EMC10: variants seen among roughly 807,000 people sequenced by gnomAD.
The protein encoded by EMC10 is UPF0510 protein INM02.
Under a neutral mutation model 32.2 loss-of-function variants are expected in EMC10, and 40 were observed. The ratio of observed to expected loss-of-function variants is 1.24; its 90% CI spans 0.96 to 1.61. EMC10 has a LOEUF of 1.61. EMC10 is among the 40% of genes most tolerant of loss of function. The pLI is 0.00. For synonymous variants in EMC10, 178 were observed against 158.4 expected, an observed-to-expected ratio of 1.12 and a Z score of -0.93; for missense variants, 402 against 357.7, an observed-to-expected ratio of 1.12 and a Z score of -1.00.
chr19:50,481,076 G>A, intron 6 of EMC10, 99 bp downstream of exon 6: 1 of 895,540 alleles, frequency 1.1e-6, no homozygotes. Flanking sequence ...ATGGTGCTCG[G>A]GCCTGCTCCT....
chr19:50,482,422 G>T lies in EMC10; in HGVS notation c.*163G>T, dbSNP rs2040337388. The stretch of plus-strand genomic sequence containing the variant: ...GCCCCTTGTCCTCTGCCTTCTGCTG[G>T]CAGAGGAGCAGCTGGACTGGGGCCT... On this transcript the variant is annotated 3_prime_UTR_variant, in exon 7 of 7. Transcript: ENST00000334976. 1.7e-6 allele frequency: 1 copy of T among 594,232 alleles called. No individual in the cohort carries two copies. The highest frequency in any genetic ancestry group is 3.1e-5 in the Admixed American group (1 of 32,188). The allele number at this position is 594,232 out of a possible 1,614,324, so 36.8% of individuals were successfully genotyped here.
Position 50,487,027 on chromosome 19 carries a change from C to A in EMC10, c.*4768C>A, listed in dbSNP as rs925512489. 1 of 152,100 alleles carries A rather than the reference C, an allele frequency of 6.6e-6. No homozygotes were observed. Among genetic ancestry groups the A allele is most frequent in the African/African-American group, 2.4e-5 (1 of 41,420 alleles). The allele number at this position is 152,100 out of a possible 1,614,324, so 9.4% of individuals were successfully genotyped here. Reference sequence around the variant, plus strand: ...CAGGAGGTGGTAATAGAGGATTCCACGCACTCAGAATGCCTCAGGCCGGCG... The same window carrying A: ...CAGGAGGTGGTAATAGAGGATTCCAAGCACTCAGAATGCCTCAGGCCGGCG... On this transcript the variant is annotated 3_prime_UTR_variant, in exon 7 of 7. Transcript: ENST00000334976.
chr19:50,482,055 G>A (rs958973008), intron 6 of EMC10, 94 bp from the exon 7 acceptor site: 21 of 1,451,390 alleles, frequency 1.4e-5, no homozygotes, highest in South Asian at 6.8e-5. Flanking sequence ...CCCTCATGCC[G>A]GTCCCCACCG....
rs1048843629 is a variant in EMC10 at position 50,488,946 on chromosome 19, GAA to G, written c.*6690_*6691del. The stretch of plus-strand genomic sequence containing the variant: ...TGGGAGAGGGAAGAAGGGTGGGAGA[GAA>G]AACGGAACAGAGAGGGGGCACAGAC... On this transcript the variant is annotated 3_prime_UTR_variant, in exon 7 of 7. Coordinates refer to ENST00000334976, the MANE Select transcript of EMC10 (RefSeq NM_206538.4). 9 of 147,602 alleles carry G rather than the reference GAA, an allele frequency of 6.1e-5. No homozygotes were observed. Among genetic ancestry groups the G allele is most frequent in the African/African-American group, 2.3e-4 (9 of 39,780 alleles). The allele number at this position is 147,602 out of a possible 1,614,324, so 9.1% of individuals were successfully genotyped here.
At chr19:50,477,876 C>A in intron 1 of EMC10, 53 bp from the exon 2 acceptor site, 1 of 1,474,842 alleles carries the variant, frequency 6.8e-7, no homozygotes, top group Non-Finnish European at 9.2e-7. Flanking sequence ...TGGGTGACTA[C>A]TATGCTGAGG....
chr19:50,480,497 G>T lies in EMC10; in HGVS notation c.403-84G>T. On this transcript the variant is annotated intron_variant, in intron 4 of 6. Coordinates refer to ENST00000334976, the MANE Select transcript of EMC10 (RefSeq NM_206538.4). The surrounding 1 kb of genome is among the most constrained non-coding windows in gnomAD (Gnocchi z 4.4). ...GGAAGGTTTTGAAAAATGCTCCGGG[G>T]GTCCTGTGGTGGGGGCCGGGGGAGG... The T allele has an allele frequency of 6.9e-7, 1 of 1,459,730 alleles. No individual in the cohort carries two copies. The highest frequency in any genetic ancestry group is 9.2e-7 in the Non-Finnish European group (1 of 1,084,060). 90.4% of individuals were successfully genotyped at this position (1,459,730 alleles called of 1,614,324 possible). A position where few individuals can be genotyped will look rare whatever the true frequency, so the allele number is the denominator to read the frequency against.
Position 50,482,813 on chromosome 19 carries a change from G to A in EMC10, c.*554G>A. ...AGGCATGAAAGAGTCGGGGCTGGAT[G>A]GCCGGGGGCTTCTGGGCCCGACGCC... On this transcript the variant is annotated 3_prime_UTR_variant, in exon 7 of 7. Transcript: ENST00000334976. The A allele has an allele frequency of 3.8e-6, 2 of 526,994 alleles. No individual in the cohort carries two copies. The highest frequency in any genetic ancestry group is 6.7e-6 in the Non-Finnish European group (2 of 299,496). 32.6% of individuals were successfully genotyped at this position (526,994 alleles called of 1,614,324 possible).
Position 50,480,629 on chromosome 19 carries a change from G to T in EMC10, c.451G>T (p.Asp151Tyr). The T allele has an allele frequency of 1.9e-6, 3 of 1,579,986 alleles. No individual in the cohort carries two copies. Among genetic ancestry groups the T allele is most frequent in the Non-Finnish European group, 2.6e-6 (3 of 1,163,442 alleles). ...GTCGGACCAGCTGACCCTGCACGTG[G>T]ATGTGGCCGGCAACGTGGTGGGCGT... The part of the protein sequence containing the change: ...HLSDQLTLHV[D>Y]VAGNVVGVSV... Residue 151 changes from aspartate to tyrosine, a missense_variant, in exon 5 of 7, where the codon GAT (aspartate) becomes TAT (tyrosine). Asp to Tyr is a radical substitution (Grantham distance 160). Coordinates refer to ENST00000334976, the MANE Select transcript of EMC10 (RefSeq NM_206538.4). The surrounding 1 kb of genome is among the most constrained non-coding windows in gnomAD (Gnocchi z 4.4).
chr19:50,482,192 G>T lies in EMC10; in HGVS notation c.722G>T (p.Gly241Val). Reference protein sequence around the residue: ...IPVVLFLMMSGAPDTGGQGGG... With the variant: ...IPVVLFLMMSVAPDTGGQGGG... ...GTCGTCCTGTTCCTCATGATGTCAG[G>T]AGCGCCAGACACCGGGGGCCAGGGT... The change falls in exon 7 of 7, where the codon GGA (glycine) becomes GTA (valine). Residue 241 changes from glycine (G) to valine (V), a missense_variant. Coordinates refer to ENST00000334976, the MANE Select transcript of EMC10 (RefSeq NM_206538.4). 7.4e-7 allele frequency: 1 copy of T among 1,353,664 alleles called. No individual in the cohort carries two copies. The allele number at this position is 1,353,664 out of a possible 1,614,324, so 83.9% of individuals were successfully genotyped here. A position where few individuals can be genotyped will look rare whatever the true frequency, so the allele number is the denominator to read the frequency against.
chr19:50,480,300 G>C lies in EMC10; in HGVS notation c.402+85G>C. On this transcript the variant is annotated intron_variant, in intron 4 of 6. Coordinates refer to ENST00000334976, the MANE Select transcript of EMC10 (RefSeq NM_206538.4). The surrounding 1 kb of genome is among the most constrained non-coding windows in gnomAD (Gnocchi z 4.4). ...TCCTGCTTCCACCATTCGAACCCCT[G>C]TGTTTCTGGAGCCCGCAGAGGCCTG... 1 of 1,378,378 alleles carries C rather than the reference G, an allele frequency of 7.3e-7. No homozygotes were observed. The highest frequency in any genetic ancestry group is 1.0e-6 in the Non-Finnish European group (1 of 994,010). The allele number at this position is 1,378,378 out of a possible 1,614,324, so 85.4% of individuals were successfully genotyped here. A position where few individuals can be genotyped will look rare whatever the true frequency, so the allele number is the denominator to read the frequency against.
In EMC10 at chr19:50,480,363, G is replaced by C; in HGVS notation, c.402+148G>C. 1 of 966,598 alleles carries C rather than the reference G, an allele frequency of 1.0e-6. No individual in the cohort carries two copies. Among genetic ancestry groups the C allele is most frequent in the Non-Finnish European group, 1.5e-6 (1 of 646,838 alleles). 59.9% of individuals were successfully genotyped at this position (966,598 alleles called of 1,614,324 possible). A position where few individuals can be genotyped will look rare whatever the true frequency, so the allele number is the denominator to read the frequency against. The stretch of plus-strand genomic sequence containing the variant: ...CTGGCCTTGCCTTCCGAGGCCTCCT[G>C]GTCTGGAGGGGTCGGTCCAGGTAGC... On this transcript the variant is annotated intron_variant, in intron 4 of 6. Coordinates refer to ENST00000334976, the MANE Select transcript of EMC10 (RefSeq NM_206538.4). This position sits in a 1 kb window ranked among gnomAD's most constrained non-coding sequence, Gnocchi z 4.4.
At chr19:50,478,936 C>T in intron 2 of EMC10, 21 bp from the exon 3 acceptor site, 1 of 1,576,876 alleles carries the variant, frequency 6.3e-7, no homozygotes, top group Non-Finnish European at 8.6e-7. Context: ...GGGGGCGTCT[C>T]TGAACCTGAG....
Position 50,482,152 on chromosome 19 carries a change from A to G in EMC10, c.682A>G (p.Met228Val). 1 of 1,479,628 alleles carries G rather than the reference A, an allele frequency of 6.8e-7. No homozygotes were observed. Among genetic ancestry groups the G allele is most frequent in the South Asian group, 1.1e-5 (1 of 89,144 alleles). 91.7% of individuals were successfully genotyped at this position (1,479,628 alleles called of 1,614,324 possible). A position where few individuals can be genotyped will look rare whatever the true frequency, so the allele number is the denominator to read the frequency against. Residue 228 changes from methionine (M) to valine (V), a missense_variant, in exon 7 of 7, where the codon ATG (methionine) becomes GTG (valine). Transcript: ENST00000334976. The part of the protein sequence containing the change: ...EQKSFFAKYW[M>V]YIIPVVLFLM... The stretch of plus-strand genomic sequence containing the variant: ...CCATCCTTCCGTCCGGCTGCAGTGG[A>G]TGTACATCATTCCCGTCGTCCTGTT...
Position 50,482,544 on chromosome 19 carries a change from C to T in EMC10, c.*285C>T. 1 of 551,988 alleles carries T rather than the reference C, an allele frequency of 1.8e-6. No homozygotes were observed. The highest frequency in any genetic ancestry group is 3.2e-6 in the Non-Finnish European group (1 of 313,992). 34.2% of individuals were successfully genotyped at this position (551,988 alleles called of 1,614,324 possible). On this transcript the variant is annotated 3_prime_UTR_variant, in exon 7 of 7. Coordinates refer to ENST00000334976, the MANE Select transcript of EMC10 (RefSeq NM_206538.4). ...TGCCCATGGAGTAGAGCCCGAGATC[C>T]TGGCCACTATGCCAGTTCTGACCTC... is the stretch of plus-strand genomic sequence containing the variant.
rs751332017 is a variant in EMC10, at chr19:50,477,986, C to T, written c.172C>T (p.His58Tyr). ...ACGTVGLLLE[H>Y]SFEIDDSANF... ...TGGCACGGTGGGGCTGCTGCTGGAG[C>T]ACTCATTTGAGATCGGTGAGTCAGG... The change falls in exon 2 of 7, where the codon CAC becomes TAC. Residue 58 changes from histidine to tyrosine, a missense_variant. Physicochemically the swap from His to Tyr is moderately conservative, Grantham distance 83 (BLOSUM62 2). Transcript: ENST00000334976. The T allele has an allele frequency of 1.3e-5, 21 of 1,603,518 alleles. No individual in the cohort carries two copies. Among genetic ancestry groups the T allele is most frequent in the African/African-American group, 2.7e-5 (2 of 74,064 alleles).
Position 50,480,902 on chromosome 19 carries a change from C to G in EMC10, c.603C>G (p.Phe201Leu). 6.2e-7 allele frequency: 1 copy of G among 1,609,520 alleles called. No individual in the cohort carries two copies. The highest frequency in any genetic ancestry group is 8.5e-7 in the Non-Finnish European group (1 of 1,176,712). ...TTAPGPETAA[F>L]IERLEMEQAQ... ...GCCCCAGCCCTGAGACGGCGGCCTT[C>G]ATTGAGCGCCTGGAGATGGAACAGG... is the stretch of plus-strand genomic sequence containing the variant. The change falls in exon 6 of 7, where the codon TTC becomes TTG. Residue 201 changes from phenylalanine (F) to leucine (L), a missense_variant. By Grantham distance (22) the Phe-to-Leu change is conservative (BLOSUM62 0). Transcript: ENST00000334976. The surrounding 1 kb of genome is among the most constrained non-coding windows in gnomAD (Gnocchi z 4.4).
intron 1 of EMC10, 163 bp downstream of exon 1, chr19:50,476,821 C>T: frequency 1.9e-6 from 1 of 537,544 alleles, no homozygotes; most frequent in Non-Finnish European, 3.2e-6. Context: ...CAGGAGGGGC[C>T]TCGCCAGTGC....
Position 50,483,359 on chromosome 19 carries a change from T to G in EMC10, c.*1100T>G, listed in dbSNP as rs544806506. On this transcript the variant is annotated 3_prime_UTR_variant, in exon 7 of 7. Transcript: ENST00000334976. Reference sequence around the variant, plus strand: ...CCCCCAGATCGACACGCAGCTAGCCTCCTGCATTGTATGGTTATAAATAGC... The same window carrying G: ...CCCCCAGATCGACACGCAGCTAGCCGCCTGCATTGTATGGTTATAAATAGC... 8.9e-5 allele frequency: 29 copies of G among 324,888 alleles called. No homozygotes were observed. Among genetic ancestry groups the G allele is most frequent in the Non-Finnish European group, 1.5e-4 (25 of 163,754 alleles). The allele number at this position is 324,888 out of a possible 1,614,324, so 20.1% of individuals were successfully genotyped here.
At position 50,481,877 on chromosome 19, in the gene EMC10, G is replaced by T. The variant is rs1016868432; in HGVS notation, c.679-272G>T. On this transcript the variant is annotated intron_variant, in intron 6 of 6. Transcript: ENST00000334976. ...CCTCCCCAGTGGCACATCATCCTGG[G>T]GGGGGCCGTGTTGCTCACAGCCCTG... The T allele has an allele frequency of 1.3e-6, 2 of 1,588,270 alleles. No homozygotes were observed. The highest frequency in any genetic ancestry group is 2.7e-5 in the African/African-American group (2 of 74,342).
Sources: allele counts gnomAD v4.1 joint callset, GRCh38; gene constraint gnomAD v4.1.1; non-coding constraint Gnocchi (gnomAD v3.1); transcripts MANE v1.5; gene names NCBI Gene and HGNC (gene_info 2026-07-23, HGNC 2026-07-21).